BLCAP: variants seen among roughly 807,000 people sequenced by gnomAD.
BLCAP encodes the protein apoptosis inducing factor BLCAP.
Under a neutral mutation model 5.7 loss-of-function variants are expected in BLCAP, and 1 was observed. The observed-to-expected ratio is 0.18, with a 90% CI of 0.06 to 0.83. The LOEUF is 0.83. Ranked by LOEUF, BLCAP falls within the 40% of genes least tolerant of loss-of-function variation. The pLI is 0.71. For missense variants in BLCAP, 66 were observed against 107.6 expected, an observed-to-expected ratio of 0.61 and a Z score of 1.71; for synonymous variants, 48 against 49.4, an observed-to-expected ratio of 0.97 and a Z score of 0.11.
Position 37,519,237 on chromosome 20 carries a change from G to C in BLCAP, c.-63C>G. On this transcript the variant is annotated 5_prime_UTR_variant, in exon 2 of 2. Coordinates refer to ENST00000373537, the MANE Select transcript of BLCAP (RefSeq NM_006698.4). ...GCACCGCTGCAGGAACCGACCTAATGGGAGCCAGCGGGCGCAGGCGGCTGC... is the reference window on the plus strand; with the variant it reads ...GCACCGCTGCAGGAACCGACCTAATCGGAGCCAGCGGGCGCAGGCGGCTGC... The C allele has an allele frequency of 6.7e-7, 1 of 1,497,050 alleles. No homozygotes were observed. The highest frequency in any genetic ancestry group is 8.9e-7 in the Non-Finnish European group (1 of 1,118,844). 92.7% of individuals were successfully genotyped at this position (1,497,050 alleles called of 1,614,324 possible). A position where few individuals can be genotyped will look rare whatever the true frequency, so the allele number is the denominator to read the frequency against.
chr20:37,520,358 G>C (rs765784443), intron 1 of BLCAP: 9 of 152,276 alleles, frequency 5.9e-5, no homozygotes, highest in South Asian at 2.1e-4. Flanking sequence ...CCCTCCGGTA[G>C]CGGTAGCGTA....
chr20:37,522,691 C>G lies in BLCAP; in HGVS notation c.-176-3341G>C, dbSNP rs2071627446. The G allele has an allele frequency of 1.9e-6, 3 of 1,612,334 alleles. No homozygotes were observed. Among genetic ancestry groups the G allele is most frequent in the Admixed American group, 1.7e-5 (1 of 59,946 alleles). ...GGTGTTCAGGTACTCCCTGCAGAAG[C>G]TGGCATACACGGTGTCGCGGACCGG... On this transcript the variant is annotated intron_variant, in intron 1 of 1. Transcript: ENST00000373537.
intron 1 of BLCAP, among the ~76,000 whole-genome samples, chr20:37,524,913 G>A (rs1202982967): frequency 6.6e-6 from 1 of 152,140 alleles, no homozygotes; most frequent in Non-Finnish European, 1.5e-5. Context: ...TCTCGAAGAG[G>A]GCCTTTGAGA....
At chr20:37,523,133 A>C in intron 1 of BLCAP, 1 of 202,636 alleles carries the variant, frequency 4.9e-6, no homozygotes, top group Non-Finnish European at 9.9e-6. Context: ...TGGAAATCAA[A>C]ACACCGCACC....
intron 1 of BLCAP, chr20:37,522,547 C>T: frequency 4.4e-6 from 6 of 1,361,666 alleles, no homozygotes; most frequent in Non-Finnish European, 6.0e-6. Flanking sequence ...GCGCCCGCCT[C>T]TCCAGCCTAC....
chr20:37,524,776 A>T (rs2147194977), intron 1 of BLCAP, among the ~76,000 whole-genome samples: 1 of 152,056 alleles, frequency 6.6e-6, no homozygotes, highest in African/African-American at 2.4e-5. Context: ...GGCATCTAAA[A>T]CTTCATTCGG....
At chr20:37,522,496 G>A (rs2071618991) in intron 1 of BLCAP, 2 of 1,542,454 alleles carry the variant, frequency 1.3e-6, no homozygotes, top group Non-Finnish European at 1.8e-6. Flanking sequence ...AGCACAGTTG[G>A]AAAAGCTCCA....
chr20:37,521,549 G>T lies in BLCAP; in HGVS notation c.-176-2199C>A, dbSNP rs940965094. The T allele has an allele frequency of 1.8e-5, 14 of 791,546 alleles. No homozygotes were observed. Among genetic ancestry groups the T allele is most frequent in the Non-Finnish European group, 2.9e-5 (14 of 478,972 alleles). 49.0% of individuals were successfully genotyped at this position (791,546 alleles called of 1,614,324 possible). On this transcript the variant is annotated intron_variant, in intron 1 of 1. Coordinates refer to ENST00000373537, the MANE Select transcript of BLCAP (RefSeq NM_006698.4). This position sits in a 1 kb window ranked among gnomAD's most constrained non-coding sequence, Gnocchi z 4.5. ...CTGCCCAAGTGCCGCTGCCGGCACC[G>T]CGCGCCCCCTGCCCATTCCCTGCGC...
chr20:37,521,701 C>T lies in BLCAP; in HGVS notation c.-176-2351G>A, dbSNP rs1469155193. 2 of 376,040 alleles carry T rather than the reference C, an allele frequency of 5.3e-6. No homozygotes were observed. The highest frequency in any genetic ancestry group is 4.3e-5 in the Admixed American group (1 of 22,996). The allele number at this position is 376,040 out of a possible 1,614,324, so 23.3% of individuals were successfully genotyped here. On this transcript the variant is annotated intron_variant, in intron 1 of 1. Transcript: ENST00000373537. The surrounding 1 kb of genome is among the most constrained non-coding windows in gnomAD (Gnocchi z 4.5). ...AGCGACCTACGCGGTAAGAAAAACC[C>T]GCTACACCCGGACTCGACCCCAGGA... is the stretch of plus-strand genomic sequence containing the variant.
intron 1 of BLCAP, chr20:37,523,798 G>A (rs1396708086): frequency 6.6e-6 from 1 of 152,018 alleles, no homozygotes; most frequent in Non-Finnish European, 1.5e-5. Flanking sequence ...GGAAAAGGAG[G>A]GCCATCAAAA....
rs1426950640 is a variant in BLCAP, at chr20:37,521,346, G to A, written c.-176-1996C>T. On this transcript the variant is annotated intron_variant, in intron 1 of 1. Transcript: ENST00000373537. This position sits in a 1 kb window ranked among gnomAD's most constrained non-coding sequence, Gnocchi z 4.5. ...TTCTTGGAACCATGGCGGCAGTGGC[G>A]GCGGCCTCGGCTGAACTGCTCATCA... 8 of 1,613,918 alleles carry A rather than the reference G, an allele frequency of 5.0e-6. No individual in the cohort carries two copies. The Admixed American group carries it at 5.0e-5, about 10-fold the overall frequency.
At chr20:37,524,709 T>C (rs2071690394) in intron 1 of BLCAP, among the ~76,000 whole-genome samples, 1 of 152,138 alleles carries the variant, frequency 6.6e-6, no homozygotes, top group Non-Finnish European at 1.5e-5. Context: ...CCTGATCATG[T>C]TTCCCTCCCC....
intron 1 of BLCAP, 74 bp from the exon 2 acceptor site, chr20:37,519,424 G>GAAAAAAAAAAAAAAAAAAAA (rs35394410): frequency 4.2e-5 from 3 of 71,254 alleles, no homozygotes; most frequent in South Asian, 5.4e-4. Context: ...AAAAAAAAAA[G>GAAAAAAAAAAAAAAAAAAAA]AAAAAAAAAA....
chr20:37,519,681 C>G (rs1275872160), intron 1 of BLCAP, among the ~76,000 whole-genome samples: 1 of 152,160 alleles, frequency 6.6e-6, no homozygotes, highest in Non-Finnish European at 1.5e-5. Context: ...GATCATGTAT[C>G]GCCTCCTGGG....
rs910488496 is a variant in BLCAP at position 37,518,793 on chromosome 20, G to A, written c.*118C>T. ...ATAAAACATCACAGGCCAAAAAGGC[G>A]CCGTCAGGAATGTGACACCCGCGAG... On this transcript the variant is annotated 3_prime_UTR_variant, in exon 2 of 2. Transcript: ENST00000373537. 12 of 1,406,872 alleles carry A rather than the reference G, an allele frequency of 8.5e-6. No homozygotes were observed. The highest frequency in any genetic ancestry group is 1.2e-5 in the Non-Finnish European group (12 of 1,041,554). 87.1% of individuals were successfully genotyped at this position (1,406,872 alleles called of 1,614,324 possible).
chr20:37,522,497 A>T, intron 1 of BLCAP: 1 of 1,550,208 alleles, frequency 6.5e-7, no homozygotes, highest in South Asian at 1.1e-5. Flanking sequence ...GCACAGTTGG[A>T]AAAGCTCCAG....
At chr20:37,525,843 T>C (rs1334285228) in intron 1 of BLCAP, among the ~76,000 whole-genome samples, 3 of 152,182 alleles carry the variant, frequency 2.0e-5, no homozygotes, top group African/African-American at 7.2e-5. Flanking sequence ...TAAACCATCA[T>C]TGCTCCCAGA....
Position 37,518,600 on chromosome 20 carries a change from A to G in BLCAP, c.*311T>C. The stretch of plus-strand genomic sequence containing the variant: ...TATCTGCCCCAGGTCACATTGGGGC[A>G]GCTGACCAGGATGGACCCAGACTCC... On this transcript the variant is annotated 3_prime_UTR_variant, in exon 2 of 2. Transcript: ENST00000373537. The G allele has an allele frequency of 3.2e-6, 1 of 315,486 alleles. No homozygotes were observed. 19.5% of individuals were successfully genotyped at this position (315,486 alleles called of 1,614,324 possible).
chr20:37,521,587 GCTGACC>G lies in BLCAP; in HGVS notation c.-176-2243_-176-2238del. 1.6e-6 allele frequency: 1 copy of G among 633,444 alleles called. No homozygotes were observed. The highest frequency in any genetic ancestry group is 2.8e-6 in the Non-Finnish European group (1 of 361,972). The allele number at this position is 633,444 out of a possible 1,614,324, so 39.2% of individuals were successfully genotyped here. A position where few individuals can be genotyped will look rare whatever the true frequency, so the allele number is the denominator to read the frequency against. The stretch of plus-strand genomic sequence containing the variant: ...CCATTCCCTGCGCCGTCCTCCTCGC[GCTGACC>G]CTCCCTAGTGCGCCCGCGCCTGCCA... On this transcript the variant is annotated intron_variant, in intron 1 of 1. Transcript: ENST00000373537. The surrounding 1 kb of genome is among the most constrained non-coding windows in gnomAD (Gnocchi z 4.5).
Sources: allele counts gnomAD v4.1 joint callset (sites outside exome capture counted in the v4.1 genomes callset), GRCh38; gene constraint gnomAD v4.1.1; non-coding constraint Gnocchi (gnomAD v3.1); transcripts MANE v1.5; gene names NCBI Gene and HGNC (gene_info 2026-07-23, HGNC 2026-07-21).